The following TBC1D14 variants were observed in gnomAD, a reference collection of about 807,000 sequenced individuals.
TBC1D14 encodes the protein TBC1 domain family, member 14.
In TBC1D14, 26 loss-of-function variants were observed where a neutral mutation model predicts 79.0. That is an observed-to-expected ratio of 0.33 (90% CI 0.24 to 0.46). The LOEUF (loss-of-function observed/expected upper bound fraction) is 0.46. Among genes scored for constraint, TBC1D14 ranks in the 20% least tolerant of loss-of-function variants. The probability of loss-of-function intolerance (pLI) is 1.00; values close to 1 mark genes in which losing one functional copy is unlikely to be tolerated. For missense variants in TBC1D14, 769 were observed against 887.6 expected, an observed-to-expected ratio of 0.87 and a Z score of 1.70; for synonymous variants, 394 against 349.9, an observed-to-expected ratio of 1.13 and a Z score of -1.40.
intron 11 of TBC1D14, among the ~76,000 whole-genome samples, chr4:7,011,327 G>A (rs978229413): frequency 6.9e-6 from 1 of 144,350 alleles, no homozygotes; most frequent in African/African-American, 2.7e-5. Flanking sequence ...CGGTGACAGT[G>A]GGGGGTGGTG....
intron 9 of TBC1D14, among the ~76,000 whole-genome samples, chr4:7,008,431 A>G (rs1720425310): frequency 6.6e-6 from 1 of 152,200 alleles, no homozygotes; most frequent in South Asian, 2.1e-4. Context: ...TTCTTTTTTG[A>G]GACAGAGTTT....
intron 5 of TBC1D14, among the ~76,000 whole-genome samples, 164 bp downstream of exon 5, chr4:6,996,571 C>G (rs1039123319): frequency 6.7e-6 from 1 of 150,010 alleles, no homozygotes; most frequent in African/African-American, 2.4e-5. Flanking sequence ...AAAGCCCCCA[C>G]AAGCGAAAAC....
intron 4 of TBC1D14, chr4:6,995,391 A>G (rs985966285): frequency 1.3e-5 from 2 of 152,342 alleles, no homozygotes; most frequent in Non-Finnish European, 2.9e-5. Context: ...AGTGTATTGC[A>G]GTCAAATCAA....
At chr4:6,942,431 A>G (rs1713001348) in intron 2 of TBC1D14, among the ~76,000 whole-genome samples, 1 of 152,214 alleles carries the variant, frequency 6.6e-6, no homozygotes, top group Admixed American at 6.5e-5. Flanking sequence ...TGTATATGGA[A>G]GAATGGTGAG....
intron 3 of TBC1D14, among the ~76,000 whole-genome samples, chr4:6,993,504 C>T (rs1190556615): frequency 6.6e-6 from 1 of 152,182 alleles, no homozygotes; most frequent in Non-Finnish European, 1.5e-5. Flanking sequence ...GCAGTGGCAG[C>T]TTCCCAGTGG....
At chr4:7,027,076 T>G (rs1370804254) in intron 13 of TBC1D14, among the ~76,000 whole-genome samples, 2 of 151,998 alleles carry the variant, frequency 1.3e-5, no homozygotes, top group South Asian at 2.1e-4. Flanking sequence ...CCGGGCACGT[T>G]GGCAGGCTCC....
intron 3 of TBC1D14, among the ~76,000 whole-genome samples, chr4:6,981,744 A>C (rs551680793): frequency 1.3e-5 from 2 of 152,236 alleles, no homozygotes; most frequent in Non-Finnish European, 2.9e-5. Context: ...AGTGTCAGCT[A>C]CCATACTACC....
At chr4:7,001,741 T>G (rs1264343710) in intron 7 of TBC1D14, among the ~76,000 whole-genome samples, 1 of 152,180 alleles carries the variant, frequency 6.6e-6, no homozygotes, top group Non-Finnish European at 1.5e-5. Context: ...CTCACCGATC[T>G]CTCGCTGTAT....
chr4:6,954,431 A>T, intron 2 of TBC1D14: 1 of 716,102 alleles, frequency 1.4e-6, no homozygotes, highest in Non-Finnish European at 2.6e-6. Flanking sequence ...ACAGCATGTG[A>T]CCGTCGGCCT....
At chr4:6,975,744 T>C (rs570706958) in intron 3 of TBC1D14, among the ~76,000 whole-genome samples, 4 of 152,142 alleles carry the variant, frequency 2.6e-5, no homozygotes, top group East Asian at 3.8e-4. Flanking sequence ...ACAGGCTCAA[T>C]AGCAGAATGG....
intron 2 of TBC1D14, among the ~76,000 whole-genome samples, chr4:6,942,169 A>C (rs537805853): frequency 1.3e-5 from 2 of 152,342 alleles, no homozygotes; most frequent in East Asian, 3.9e-4. Context: ...CCTATTTCCT[A>C]TCTTAAATAG....
chr4:6,940,536 G>T (rs892754646), intron 2 of TBC1D14, among the ~76,000 whole-genome samples: 5 of 152,160 alleles, frequency 3.3e-5, no homozygotes, highest in African/African-American at 9.7e-5. Context: ...GCCTTGCTGG[G>T]GTTGAGGTTC....
chr4:6,983,659 T>C (rs1717575230), intron 3 of TBC1D14, among the ~76,000 whole-genome samples: 1 of 152,214 alleles, frequency 6.6e-6, no homozygotes, highest in Admixed American at 6.5e-5. Context: ...AGCAGGTTAA[T>C]TACATATCAT....
intron 2 of TBC1D14, among the ~76,000 whole-genome samples, chr4:6,950,363 G>C (rs1447758058): frequency 6.6e-6 from 1 of 152,196 alleles, no homozygotes; most frequent in East Asian, 1.9e-4. Context: ...CGTCCTGTCT[G>C]TGAATGAGTT....
At chr4:6,955,426 A>G (rs1378259219) in intron 2 of TBC1D14, among the ~76,000 whole-genome samples, 4 of 152,024 alleles carry the variant, frequency 2.6e-5, no homozygotes, top group African/African-American at 9.7e-5. Flanking sequence ...TCATGGGAGG[A>G]GGATGTAAAA....
chr4:6,975,140 C>T (rs191170090), intron 3 of TBC1D14, among the ~76,000 whole-genome samples: 1 of 152,250 alleles, frequency 6.6e-6, no homozygotes, highest in East Asian at 1.9e-4. Context: ...TTTTGAACTC[C>T]TGACCTCAAG....
chr4:6,950,297 G>A (rs1460052472), intron 2 of TBC1D14, among the ~76,000 whole-genome samples: 2 of 152,116 alleles, frequency 1.3e-5, no homozygotes, highest in Non-Finnish European at 2.9e-5. Flanking sequence ...TGCTAACTTC[G>A]GTTACTAATT....
chr4:7,004,961 C>T (rs1182596034), intron 8 of TBC1D14, 37 bp downstream of exon 8: 2 of 1,571,792 alleles, frequency 1.3e-6, no homozygotes, highest in Non-Finnish European at 1.8e-6. Context: ...CTGCTGTGGT[C>T]AATTATGTTT....
intron 2 of TBC1D14, among the ~76,000 whole-genome samples, chr4:6,935,628 A>G (rs1330917111): frequency 7.1e-6 from 1 of 141,272 alleles, no homozygotes; most frequent in Non-Finnish European, 1.5e-5. Flanking sequence ...GTGTTGCTTC[A>G]TTGTTTGTGT....
Sources: allele counts gnomAD v4.1 joint callset (sites outside exome capture counted in the v4.1 genomes callset), GRCh38; gene constraint gnomAD v4.1.1; transcripts MANE v1.5; gene names NCBI Gene and HGNC (gene_info 2026-07-23, HGNC 2026-07-21).